PDE4D: variants seen among roughly 807,000 people sequenced by gnomAD.
PDE4D encodes the protein 3',5'-cyclic-AMP phosphodiesterase 4D.
PDE4D carries 24 observed loss-of-function variants against 87.4 expected under a neutral mutation model. The ratio of observed to expected loss-of-function variants is 0.27; its 90% CI spans 0.20 to 0.39. The LOEUF (loss-of-function observed/expected upper bound fraction) is 0.39, where lower values mean the gene tolerates loss of function less well. Among genes scored for constraint, PDE4D ranks in the 10% least tolerant of loss-of-function variants. PDE4D has a pLI of 1.00. For synonymous variants in PDE4D, 384 were observed against 383.2 expected (o/e 1.00, Z -0.02); for missense variants, 714 against 1,041.0 (o/e 0.69, Z 4.32).
At chr5:60,214,558 A>G (rs1187577336) in intron 1 of PDE4D, among the ~76,000 whole-genome samples, 3 of 152,184 alleles carry the variant, frequency 2.0e-5, no homozygotes, top group Non-Finnish European at 4.4e-5. Context: ...TATTTATCTT[A>G]ATACTTGAAG....
intron 11 of PDE4D, among the ~76,000 whole-genome samples, chr5:58,977,620 T>G (rs986979265): frequency 6.6e-6 from 1 of 152,170 alleles, no homozygotes; most frequent in African/African-American, 2.4e-5. Context: ...AATTGGATCT[T>G]TAACCTCTCC....
intron 2 of PDE4D, among the ~76,000 whole-genome samples, chr5:59,995,633 A>T (rs1462498257): frequency 6.6e-6 from 1 of 151,930 alleles, no homozygotes; most frequent in Non-Finnish European, 1.5e-5. Flanking sequence ...TTTTCTTTTC[A>T]ATCTGCCTAC....
In PDE4D at chr5:58,988,714, C is replaced by T. The variant is rs986316724; in HGVS notation, c.1453-122G>A. ...CAAAATGAAGCTTCAAAATGTGTTA[C>T]AATGTGTCAAGGGAGAGTCTTAGAT... On this transcript the variant is annotated intron_variant, in intron 10 of 14. Transcript: ENST00000340635. 8.4e-5 allele frequency: 38 copies of T among 454,006 alleles called. No homozygotes were observed. The South Asian group carries it at 2.2e-3, about 26-fold the overall frequency. The allele number at this position is 454,006 out of a possible 1,614,324, so 28.1% of individuals were successfully genotyped here. A position where few individuals can be genotyped will look rare whatever the true frequency, so the allele number is the denominator to read the frequency against.
intron 3 of PDE4D, among the ~76,000 whole-genome samples, chr5:59,978,009 GA>G (rs999842652): frequency 6.6e-6 from 1 of 152,078 alleles, no homozygotes; most frequent in African/African-American, 2.4e-5. Context: ...ATACTGCTCA[GA>G]AAAAAAGATT....
intron 2 of PDE4D, among the ~76,000 whole-genome samples, chr5:59,200,040 C>T (rs974934656): frequency 3.5e-4 from 18 of 52,084 alleles, no homozygotes; most frequent in Non-Finnish European, 9.6e-4. Context: ...CATGCACACA[C>T]ACGTATGTAC....
At chr5:59,536,868 T>C (rs1050894385) in intron 1 of PDE4D, among the ~76,000 whole-genome samples, 1 of 152,220 alleles carries the variant, frequency 6.6e-6, no homozygotes, top group African/African-American at 2.4e-5. Flanking sequence ...ACAACCTACA[T>C]GAAATAAGAC....
intron 1 of PDE4D, among the ~76,000 whole-genome samples, chr5:59,827,558 C>G (rs530274293): frequency 7.9e-5 from 12 of 152,226 alleles, no homozygotes; most frequent in African/African-American, 2.9e-4. Context: ...TTGTCTAATA[C>G]TCACTCAATT....
intron 2 of PDE4D, among the ~76,000 whole-genome samples, chr5:59,196,268 C>T (rs187733154): frequency 1.9e-4 from 29 of 152,228 alleles, no homozygotes; most frequent in African/African-American, 6.3e-4. Flanking sequence ...AGATTTAACA[C>T]AAAGACACGC....
intron 1 of PDE4D, among the ~76,000 whole-genome samples, chr5:59,424,620 A>C (rs1344351609): frequency 6.6e-6 from 1 of 152,126 alleles, no homozygotes; most frequent in Admixed American, 6.5e-5. Context: ...TAAAACCATC[A>C]GATTTCAGAG....
At chr5:60,131,021 G>C (rs920131655) in intron 2 of PDE4D, among the ~76,000 whole-genome samples, 1 of 152,116 alleles carries the variant, frequency 6.6e-6, no homozygotes, top group African/African-American at 2.4e-5. Flanking sequence ...TGATTCCTAT[G>C]TCAGAATTAG....
chr5:60,202,946 C>T (rs1479181251), intron 1 of PDE4D, among the ~76,000 whole-genome samples: 2 of 152,146 alleles, frequency 1.3e-5, no homozygotes, highest in Non-Finnish European at 2.9e-5. Flanking sequence ...AGATGACAGT[C>T]AAAGCCTTGT....
intron 1 of PDE4D, among the ~76,000 whole-genome samples, chr5:60,456,527 G>A: frequency 6.6e-6 from 1 of 152,174 alleles, no homozygotes; most frequent in East Asian, 1.9e-4. Flanking sequence ...GTGGTCAAAT[G>A]ATTTTGGTTT....
rs577314393 is a variant in PDE4D, at chr5:59,246,381, T to C, written c.456-30413A>G. Among the ~76,000 whole-genome samples the C allele has an allele frequency of 4.6e-5, 7 of 152,190 alleles. No homozygotes were observed. In the East Asian group the frequency reaches 5.8e-4, roughly 13 times the overall value. The stretch of plus-strand genomic sequence containing the variant: ...ATGAGCTTGCCATTACAGATACTAC[T>C]TAAAAACCAAAAAAACTATGATCAT... On this transcript the variant is annotated intron_variant, in intron 1 of 14. Coordinates refer to ENST00000340635, the MANE Select transcript of PDE4D (RefSeq NM_001104631.2).
At chr5:60,374,767 T>G (rs1289312558) in intron 1 of PDE4D, among the ~76,000 whole-genome samples, 1 of 152,158 alleles carries the variant, frequency 6.6e-6, no homozygotes, top group African/African-American at 2.4e-5. Flanking sequence ...TCCTGAAATA[T>G]CTGTAATGAG....
chr5:59,432,051 AT>A (rs1026588164), intron 1 of PDE4D, among the ~76,000 whole-genome samples: 2 of 152,016 alleles, frequency 1.3e-5, no homozygotes, highest in South Asian at 2.1e-4. Context: ...TATACATGCT[AT>A]TTTTTTAACA....
chr5:60,048,667 T>C (rs912925841), intron 2 of PDE4D, among the ~76,000 whole-genome samples: 4 of 152,182 alleles, frequency 2.6e-5, no homozygotes, highest in Admixed American at 2.0e-4. Flanking sequence ...TGAAAATTCT[T>C]TTCTTTAAGA....
At chr5:59,438,110 A>G (rs1262869392) in intron 1 of PDE4D, among the ~76,000 whole-genome samples, 5 of 152,124 alleles carry the variant, frequency 3.3e-5, no homozygotes, top group African/African-American at 1.2e-4. Flanking sequence ...CCCACAACAC[A>G]TGGGGATTGT....
chr5:59,664,158 T>C (rs535177019), intron 1 of PDE4D, among the ~76,000 whole-genome samples: 49 of 152,216 alleles, frequency 3.2e-4, no homozygotes, highest in South Asian at 1.2e-3. Context: ...GATGGATGTA[T>C]ACAAATGCTG....
At position 60,014,091 on chromosome 5, in the gene PDE4D, TAA is replaced by T. The variant is rs36035984; in HGVS notation, c.43-25376_43-25375del. On this transcript the variant is annotated intron_variant, in intron 2 of 16. Coordinates refer to the PDE4D transcript ENST00000502484. ...CTGGCAACAGAGCAAGACTCCACCT[TAA>T]AAAAAAAAAAAAAAAAAAAAAGTCT... 5.0e-3 allele frequency among the ~76,000 whole-genome samples: 478 copies of T among 96,428 alleles called. 2 individuals carry two copies. Among genetic ancestry groups the T allele is most frequent in the Non-Finnish European group, 7.4e-3 (358 of 48,436 alleles). 63.3% of individuals were successfully genotyped at this position (96,428 alleles called of 152,430 possible).
Sources: allele counts gnomAD v4.1 joint callset (sites outside exome capture counted in the v4.1 genomes callset), GRCh38; gene constraint gnomAD v4.1.1; transcripts MANE v1.5; gene names NCBI Gene and HGNC (gene_info 2026-07-23, HGNC 2026-07-21).